EPHA6: variants seen among roughly 807,000 people sequenced by gnomAD.
EPHA6 encodes the protein EPH receptor A6, also known as ephrin type-A receptor 6.
Under a neutral mutation model 112.0 loss-of-function variants are expected in EPHA6, and 50 were observed. The observed-to-expected ratio is 0.45, with a 90% CI of 0.36 to 0.56. The LOEUF is 0.56. EPHA6 is among the 20% of genes least tolerant of loss of function. The probability of loss-of-function intolerance (pLI) is 0.00; values close to 1 mark genes in which losing one functional copy is unlikely to be tolerated. For synonymous variants in EPHA6, 529 were observed against 490.7 expected (o/e 1.08, Z -1.03); for missense variants, 1,280 against 1,417.4 (o/e 0.90, Z 1.56).
intron 5 of EPHA6, among the ~76,000 whole-genome samples, chr3:97,299,084 T>C (rs2080988209): frequency 6.6e-6 from 1 of 152,116 alleles, no homozygotes; most frequent in South Asian, 2.1e-4. Context: ...GTTTACAAAA[T>C]AGAATGTTTC....
At chr3:96,849,464 T>G (rs2035262835) in intron 1 of EPHA6, among the ~76,000 whole-genome samples, 1 of 152,156 alleles carries the variant, frequency 6.6e-6, no homozygotes, top group African/African-American at 2.4e-5. Context: ...TAACGTCATG[T>G]TAACTTTTAA....
chr3:97,092,776 C>G (rs1165412794), intron 3 of EPHA6, among the ~76,000 whole-genome samples: 2 of 151,734 alleles, frequency 1.3e-5, no homozygotes, highest in East Asian at 3.9e-4. Flanking sequence ...AACATGGGTC[C>G]AAGAATTAGA....
intron 2 of EPHA6, among the ~76,000 whole-genome samples, chr3:96,903,891 T>G (rs2038763512): frequency 6.6e-6 from 1 of 151,998 alleles, no homozygotes; most frequent in South Asian, 2.1e-4. Context: ...GAAATGCAAA[T>G]CAAAACCACA....
intron 5 of EPHA6, among the ~76,000 whole-genome samples, chr3:97,292,820 G>C (rs559120055): frequency 1.3e-5 from 2 of 148,970 alleles, no homozygotes; most frequent in African/African-American, 5.0e-5. Flanking sequence ...CCCGGTGAGC[G>C]TCCTGCTCTC....
At chr3:97,231,898 C>T (rs1559815334) in intron 4 of EPHA6, among the ~76,000 whole-genome samples, 1 of 151,652 alleles carries the variant, frequency 6.6e-6, no homozygotes, top group Non-Finnish European at 1.5e-5. Flanking sequence ...TAGGGAAGGG[C>T]TTTTAAGACA....
intron 2 of EPHA6, among the ~76,000 whole-genome samples, chr3:96,882,768 G>GTGTGTGTGTGTGTGTGTATA (rs774521290): frequency 1.3e-5 from 2 of 148,780 alleles, no homozygotes; most frequent in Admixed American, 6.7e-5. Flanking sequence ...GTGTGTGTGT[G>GTGTGTGTGTGTGTGTGTATA]TATAGTCAAT....
intron 3 of EPHA6, among the ~76,000 whole-genome samples, chr3:96,988,301 T>C (rs1201085557): frequency 6.6e-6 from 1 of 152,174 alleles, no homozygotes; most frequent in East Asian, 1.9e-4. Context: ...AAAATTTCTG[T>C]CATTTTTCTC....
chr3:96,881,328 G>C (rs758426878), intron 2 of EPHA6, among the ~76,000 whole-genome samples: 2 of 152,108 alleles, frequency 1.3e-5, no homozygotes, highest in Non-Finnish European at 2.9e-5. Flanking sequence ...CACTTGGCTG[G>C]GGAAGCCTCA....
intron 1 of EPHA6, among the ~76,000 whole-genome samples, chr3:96,818,168 A>G (rs2032952501): frequency 6.6e-6 from 1 of 152,010 alleles, no homozygotes; most frequent in Admixed American, 6.6e-5. Context: ...TTTCTGTACT[A>G]TACACTTATA....
rs546119991 is a variant in EPHA6 at position 97,716,485 on chromosome 3, G to A, written c.2785-3776G>A. 1.0e-4 allele frequency among the ~76,000 whole-genome samples: 13 copies of A among 129,044 alleles called. No homozygotes were observed. In the East Asian group the frequency reaches 1.4e-3, roughly 14 times the overall value. 84.7% of individuals were successfully genotyped at this position (129,044 alleles called of 152,430 possible). A position where few individuals can be genotyped will look rare whatever the true frequency, so the allele number is the denominator to read the frequency against. On this transcript the variant is annotated intron_variant, in intron 14 of 17. Coordinates refer to ENST00000389672, the MANE Select transcript of EPHA6 (RefSeq NM_001080448.3). ...CGGGAGGCTGAGGCAGGAGAATGGC[G>A]TGAACCCGGGAAGCGGAGCTTGCAG...
intron 1 of EPHA6, among the ~76,000 whole-genome samples, chr3:96,839,668 A>G (rs1053044954): frequency 3.3e-5 from 5 of 152,090 alleles, no homozygotes; most frequent in Non-Finnish European, 7.4e-5. Context: ...TATGGAGACT[A>G]GAGTCAGAGG....
chr3:97,277,271 G>A (rs1414891500), intron 5 of EPHA6, among the ~76,000 whole-genome samples: 1 of 152,038 alleles, frequency 6.6e-6, no homozygotes, highest in Non-Finnish European at 1.5e-5. Flanking sequence ...TATAAGATTT[G>A]GGTAGGTAAA....
intron 4 of EPHA6, among the ~76,000 whole-genome samples, chr3:97,241,062 G>T (rs1438615845): frequency 6.6e-6 from 1 of 151,528 alleles, no homozygotes; most frequent in Admixed American, 6.6e-5. Context: ...TCTGGTAAGG[G>T]AGAGTCTACC....
intron 5 of EPHA6, among the ~76,000 whole-genome samples, chr3:97,396,823 C>A (rs1055782059): frequency 6.6e-6 from 1 of 151,574 alleles, no homozygotes; most frequent in Non-Finnish European, 1.5e-5. Flanking sequence ...GTCTTGAGAG[C>A]AAAATAGTTA....
chr3:97,234,856 T>C (rs2108562847), intron 4 of EPHA6, among the ~76,000 whole-genome samples: 1 of 152,212 alleles, frequency 6.6e-6, no homozygotes, highest in Non-Finnish European at 1.5e-5. Flanking sequence ...AGGTGCAAAG[T>C]CTTCTAGACA....
Position 97,214,038 on chromosome 3 carries a change from T to TGTGTGTGTGTGAGAGA in EPHA6, c.1115-12225_1115-12224insTGTGTGTGTGAGAGAG, listed in dbSNP as rs1491420279. Among the ~76,000 whole-genome samples, 476 of 77,750 alleles carry TGTGTGTGTGTGAGAGA rather than the reference T, an allele frequency of 6.1e-3. 2 individuals carry two copies. Among genetic ancestry groups the TGTGTGTGTGTGAGAGA allele is most frequent in the East Asian group, 0.018 (45 of 2,460 alleles). 51.0% of individuals were successfully genotyped at this position (77,750 alleles called of 152,430 possible). A position where few individuals can be genotyped will look rare whatever the true frequency, so the allele number is the denominator to read the frequency against. On this transcript the variant is annotated intron_variant, in intron 3 of 17. Coordinates refer to ENST00000389672, the MANE Select transcript of EPHA6 (RefSeq NM_001080448.3). ...GTGTGTGTGTGTGTGTGTGTGTGTG[T>TGTGTGTGTGTGAGAGA]GAGAGAGAGAGAGAGAGGGAGAGGG... is the stretch of plus-strand genomic sequence containing the variant.
chr3:97,217,018 A>G lies in EPHA6; in HGVS notation c.1115-9246A>G, dbSNP rs76042180. On this transcript the variant is annotated intron_variant, in intron 3 of 17. Transcript: ENST00000389672. ...AAAAAACATATTTAAGACATGAGAC[A>G]TCAGATAACCAAGAGATAGTAATTA... 5.7e-3 allele frequency among the ~76,000 whole-genome samples: 874 copies of G among 152,336 alleles called. 5 individuals carry two copies. Among genetic ancestry groups the G allele is most frequent in the African/African-American group, 0.019 (795 of 41,586 alleles).
At chr3:97,011,300 C>G (rs938861871) in intron 3 of EPHA6, among the ~76,000 whole-genome samples, 2 of 152,174 alleles carry the variant, frequency 1.3e-5, no homozygotes, top group African/African-American at 2.4e-5. Context: ...TATCCAGAGG[C>G]CTGGTTGGCA....
rs535385675 is a variant in EPHA6, at chr3:96,892,534, CTTA to C, written c.450+25648_450+25650del. On this transcript the variant is annotated intron_variant, in intron 2 of 17. Coordinates refer to ENST00000389672, the MANE Select transcript of EPHA6 (RefSeq NM_001080448.3). ...ACTGCGCCTGGCCAAAAGATCACTT[CTTA>C]TTGTTGCATTGACCAGAACTAGTGA... is the stretch of plus-strand genomic sequence containing the variant. Among the ~76,000 whole-genome samples the C allele has an allele frequency of 7.4e-4, 113 of 152,204 alleles. 2 individuals are homozygous for C. In the South Asian group the frequency reaches 0.02, roughly 27 times the overall value.
Sources: gnomAD v4.1 joint callset for allele counts (sites outside exome capture counted in the v4.1 genomes callset) on GRCh38, gnomAD v4.1.1 for gene constraint, MANE v1.5 for transcripts, NCBI Gene and HGNC (gene_info 2026-07-23, HGNC 2026-07-21) for gene names.